Variants in PLEKHG2 observed in about 807,000 individuals in gnomAD.
PLEKHG2 encodes the protein pleckstrin homology and RhoGEF domain containing G2, also known as pleckstrin homology domain-containing family G member 2.
Under a neutral mutation model 104.4 loss-of-function variants are expected in PLEKHG2, and 71 were observed. The observed-to-expected ratio is 0.68, with a 90% CI of 0.56 to 0.83. The LOEUF is 0.83. Among genes scored for constraint, PLEKHG2 ranks in the 40% least tolerant of loss-of-function variants. PLEKHG2 has a pLI of 0.00. For synonymous variants in PLEKHG2, 728 were observed against 737.0 expected, an observed-to-expected ratio of 0.99 and a Z score of 0.20; for missense variants, 1,730 against 1,809.4, an observed-to-expected ratio of 0.96 and a Z score of 0.80.
rs773816737 is a variant in PLEKHG2 at position 39,416,390 on chromosome 19, T to A, written c.522T>A (p.Gly174=). ...EDLENSSSAG[G]IAECFVQRSE... ...TGGAGAACAGCAGCAGCGCCGGGGGTATTGCCGAGTGCTTCGTGCAGAGGG... is the reference window on the plus strand; with the variant it reads ...TGGAGAACAGCAGCAGCGCCGGGGGAATTGCCGAGTGCTTCGTGCAGAGGG... Residue 174 remains glycine (G), a synonymous_variant, in exon 5 of 19, where the codon GGT becomes GGA. Transcript: ENST00000425673. The surrounding 1 kb of genome is among the most constrained non-coding windows in gnomAD (Gnocchi z 4.5). The A allele has an allele frequency of 2.3e-5, 37 of 1,611,174 alleles. No individual in the cohort carries two copies. The highest frequency in any genetic ancestry group is 2.8e-5 in the Non-Finnish European group (33 of 1,179,374).
chr19:39,425,454 C>A lies in PLEKHG2; in HGVS notation c.*160C>A. On this transcript the variant is annotated 3_prime_UTR_variant, in exon 19 of 19. Coordinates refer to ENST00000425673, the MANE Select transcript of PLEKHG2 (RefSeq NM_022835.3). ...GGCGAATGGCCCTTCTTGCCTTGAT[C>A]CACAGGGATGGGGAAGGGAGGAATG... The A allele has an allele frequency of 8.6e-7, 1 of 1,168,940 alleles. No homozygotes were observed. The highest frequency in any genetic ancestry group is 3.4e-5 in the Admixed American group (1 of 28,998). 72.4% of individuals were successfully genotyped at this position (1,168,940 alleles called of 1,614,324 possible). A position where few individuals can be genotyped will look rare whatever the true frequency, so the allele number is the denominator to read the frequency against.
chr19:39,413,988 C>T lies in PLEKHG2; in HGVS notation c.-22-77C>T, dbSNP rs1476972040. 6.6e-5 allele frequency: 67 copies of T among 1,012,922 alleles called. No homozygotes were observed. The highest frequency in any genetic ancestry group is 8.8e-5 in the Non-Finnish European group (61 of 691,480). The allele number at this position is 1,012,922 out of a possible 1,614,324, so 62.7% of individuals were successfully genotyped here. ...CTGGATTTACACCACGCTCCTAATT[C>T]CCAGCCCCCATCTGTGAGTCTGGGC... On this transcript the variant is annotated intron_variant, in intron 1 of 18. Coordinates refer to ENST00000425673, the MANE Select transcript of PLEKHG2 (RefSeq NM_022835.3). This position sits in a 1 kb window ranked among gnomAD's most constrained non-coding sequence, Gnocchi z 4.5.
chr19:39,418,929 G>A lies in PLEKHG2; in HGVS notation c.1189G>A (p.Glu397Lys). ...HRHLLQAKNQ[E>K]EKRLWIHCLQ... Reference sequence around the variant, plus strand: ...AACCCACTCCTAGGCCAAGAACCAAGAAGAGAAGAGGCTGTGGATTCACTG... The same window carrying A: ...AACCCACTCCTAGGCCAAGAACCAAAAAGAGAAGAGGCTGTGGATTCACTG... The change falls in exon 11 of 19, where the codon GAA becomes AAA. Residue 397 changes from glutamate (E) to lysine (K), a missense_variant. Transcript: ENST00000425673. 6.2e-7 allele frequency: 1 copy of A among 1,612,442 alleles called. No homozygotes were observed. Among genetic ancestry groups the A allele is most frequent in the Non-Finnish European group, 8.5e-7 (1 of 1,179,224 alleles).
At chr19:39,419,322 T>C (rs1273408734) in intron 11 of PLEKHG2, among the ~76,000 whole-genome samples, 1 of 152,196 alleles carries the variant, frequency 6.6e-6, no homozygotes, top group African/African-American at 2.4e-5. Context: ...ATCAGCTGGC[T>C]GTGGTGGCTC....
Position 39,416,708 on chromosome 19 carries a change from G to T in PLEKHG2, c.593+111G>T, listed in dbSNP as rs1161502646. On this transcript the variant is annotated intron_variant, in intron 6 of 18. Coordinates refer to ENST00000425673, the MANE Select transcript of PLEKHG2 (RefSeq NM_022835.3). This position sits in a 1 kb window ranked among gnomAD's most constrained non-coding sequence, Gnocchi z 4.5. ...CCCATCCAGCACCGACCCCTGCCAG[G>T]CTGTGACAGTAACTGACCTCTCCCT... The T allele has an allele frequency of 4.0e-6, 6 of 1,491,164 alleles. No individual in the cohort carries two copies. The highest frequency in any genetic ancestry group is 3.5e-5 in the Admixed American group (2 of 57,494). The allele number at this position is 1,491,164 out of a possible 1,614,324, so 92.4% of individuals were successfully genotyped here. A position where few individuals can be genotyped will look rare whatever the true frequency, so the allele number is the denominator to read the frequency against.
intron 17 of PLEKHG2, 102 bp from the exon 18 acceptor site, chr19:39,422,630 C>T (rs2078717497): frequency 7.1e-7 from 1 of 1,413,198 alleles, no homozygotes; most frequent in African/African-American, 1.4e-5. Context: ...CTCAAGTGAC[C>T]CGCCCACTTC....
Position 39,416,892 on chromosome 19 carries a change from A to G in PLEKHG2, c.636A>G (p.Ala212=), listed in dbSNP as rs374648694. 1 of 1,612,546 alleles carries G rather than the reference A, an allele frequency of 6.2e-7. No homozygotes were observed. Among genetic ancestry groups the G allele is most frequent in the Admixed American group, 1.7e-5 (1 of 59,846 alleles). Reference sequence around the variant, plus strand: ...GGGAGCTGTCGTTGTCTCCGCCAGCAGCCCTGTGGCTGCAGGAGCGCCAGG... The same window carrying G: ...GGGAGCTGTCGTTGTCTCCGCCAGCGGCCCTGTGGCTGCAGGAGCGCCAGG... The part of the protein sequence containing the change: ...LLRELSLSPP[A]ALWLQERQAQ... The change falls in exon 7 of 19, where the codon GCA becomes GCG. Residue 212 remains alanine (A), a synonymous_variant. Transcript: ENST00000425673. The surrounding 1 kb of genome is among the most constrained non-coding windows in gnomAD (Gnocchi z 4.5).
Position 39,420,961 on chromosome 19 carries a change from G to T in PLEKHG2, c.1412G>T (p.Gly471Val). ...CTCCCTCCCACAGCTCCATCTCCTG[G>T]GCCCTCTGTGATTCGCCGAGGCCGC... ...PGRRNTAPSP[G>V]PSVIRRGRRQ... The change falls in exon 14 of 19, where the codon GGG becomes GTG. Residue 471 changes from glycine (G) to valine (V), a missense_variant. Gly to Val is a moderately radical substitution (Grantham distance 109). Transcript: ENST00000425673. 6.2e-7 allele frequency: 1 copy of T among 1,614,020 alleles called. No homozygotes were observed. The highest frequency in any genetic ancestry group is 8.5e-7 in the Non-Finnish European group (1 of 1,180,012).
intron 2 of PLEKHG2, 45 bp from the exon 3 acceptor site, chr19:39,414,947 G>A (rs758142249): frequency 5.2e-6 from 8 of 1,530,920 alleles, no homozygotes; most frequent in East Asian, 2.3e-5. Context: ...GTGGAAGTCC[G>A]TGCATGGGGA....
rs765630030 is a variant in PLEKHG2, at chr19:39,422,238, A to G, written c.1627A>G (p.Thr543Ala). ...PTLDPSGTSI[T>A]EEILELLNQR... ...ACTGGACCCCTCTGGGACCTCAATC[A>G]CTGAAGAAATCCTGGAACTGCTGAA... Residue 543 changes from threonine to alanine, a missense_variant, in exon 17 of 19, where the codon ACT (threonine) becomes GCT (alanine). Thr to Ala is a moderately conservative substitution (Grantham distance 58, BLOSUM62 0). Coordinates refer to ENST00000425673, the MANE Select transcript of PLEKHG2 (RefSeq NM_022835.3). The G allele has an allele frequency of 2.5e-6, 4 of 1,613,824 alleles. No homozygotes were observed. Among genetic ancestry groups the G allele is most frequent in the Non-Finnish European group, 3.4e-6 (4 of 1,179,882 alleles).
rs76128311 is a variant in PLEKHG2, at chr19:39,427,187, G to A, written c.*1893G>A. On this transcript the variant is annotated 3_prime_UTR_variant, in exon 19 of 19. Transcript: ENST00000425673. ...ACCACAGGTGCCCGCCACCACGCCC[G>A]GCTAATTTTTTTGGTATTTTTAGTA... The A allele has an allele frequency of 0.14, 21,121 of 151,886 alleles. 1,758 individuals are homozygous for A. The highest frequency in any genetic ancestry group is 0.26 in the Middle Eastern group (78 of 296). The allele number at this position is 151,886 out of a possible 1,614,324, so 9.4% of individuals were successfully genotyped here.
Position 39,420,657 on chromosome 19 carries a change from A to C in PLEKHG2, c.1295A>C (p.His432Pro), listed in dbSNP as rs760117758. ...CAAGTTCTCCTTGAAAACAGCCTGCATTGTGAGTTGGGGCCTTGGGCTGGG... is the reference window on the plus strand; with the variant it reads ...CAAGTTCTCCTTGAAAACAGCCTGCCTTGTGAGTTGGGGCCTTGGGCTGGG... ...AKQVLLENSL[H>P]CAPKSKPVLE... is the part of the protein sequence containing the mutation. The change falls in exon 12 of 19, where the codon CAT becomes CCT. Residue 432 changes from histidine to proline, a missense_variant and splice_region_variant. Transcript: ENST00000425673. 1 of 1,614,128 alleles carries C rather than the reference A, an allele frequency of 6.2e-7. No individual in the cohort carries two copies. The highest frequency in any genetic ancestry group is 1.7e-5 in the Admixed American group (1 of 60,020).
rs112642391 is a variant in PLEKHG2 at position 39,414,755 on chromosome 19, A to G, written c.110-237A>G. 6.3e-3 allele frequency among the ~76,000 whole-genome samples: 955 copies of G among 152,290 alleles called. 14 individuals are homozygous for G. Among genetic ancestry groups the G allele is most frequent in the African/African-American group, 0.022 (916 of 41,546 alleles). Reference sequence around the variant, plus strand: ...TACAGTCAGATAGACAAATTAATAAATGTCTACCTAGCTGATTCATGGAGG... The same window carrying G: ...TACAGTCAGATAGACAAATTAATAAGTGTCTACCTAGCTGATTCATGGAGG... On this transcript the variant is annotated intron_variant, in intron 2 of 18. Coordinates refer to ENST00000425673, the MANE Select transcript of PLEKHG2 (RefSeq NM_022835.3).
In PLEKHG2 at chr19:39,418,017, G is replaced by A. The variant is rs117405645; in HGVS notation, c.995G>A (p.Gly332Glu). ...GGGGGGPRLR[G>E]GERLLFLFSR... ...GGAGGGGGTGGCCCCCGGCTACGAG[G>A]GGGTGAGCGGCTGCTCTTCCTGTTC... The change falls in exon 9 of 19, where the codon GGG becomes GAG. Residue 332 changes from glycine (G) to glutamate (E), a missense_variant. Coordinates refer to ENST00000425673, the MANE Select transcript of PLEKHG2 (RefSeq NM_022835.3). 1.9e-6 allele frequency: 3 copies of A among 1,562,362 alleles called. No homozygotes were observed. Among genetic ancestry groups the A allele is most frequent in the African/African-American group, 1.4e-5 (1 of 73,662 alleles).
rs2078565042 is a variant in PLEKHG2, at chr19:39,414,208, G to C, written c.109+13G>C. ...GAGACTCGGACAGGTGAGCCTAGAGGCAGGGGCGGCGGAGCCTGTGGGGCT... is the reference window on the plus strand; with the variant it reads ...GAGACTCGGACAGGTGAGCCTAGAGCCAGGGGCGGCGGAGCCTGTGGGGCT... On this transcript the variant is annotated intron_variant, in intron 2 of 18. Transcript: ENST00000425673. 2.6e-6 allele frequency: 4 copies of C among 1,550,382 alleles called. No homozygotes were observed. The highest frequency in any genetic ancestry group is 3.5e-6 in the Non-Finnish European group (4 of 1,146,126).
chr19:39,425,053 C>T lies in PLEKHG2; in HGVS notation c.3920C>T (p.Ser1307Phe). The change falls in exon 19 of 19, where the codon TCC becomes TTC. Residue 1307 changes from serine (S) to phenylalanine (F), a missense_variant. Physicochemically the swap from Ser to Phe is radical, Grantham distance 155. Coordinates refer to ENST00000425673, the MANE Select transcript of PLEKHG2 (RefSeq NM_022835.3). ...GGGGCCCCCGCAGCCTCCCGGGGCT[C>T]CTGGTCCTCTGCTCCCACGTCACGG... The part of the protein sequence containing the change: ...GGGAPAASRG[S>F]WSSAPTSRAS... 1.9e-6 allele frequency: 3 copies of T among 1,599,250 alleles called. No individual in the cohort carries two copies. The highest frequency in any genetic ancestry group is 1.1e-5 in the South Asian group (1 of 89,664).
rs2078773700 is a variant in PLEKHG2, at chr19:39,425,657, A to G, written c.*363A>G. ...AGAATTATTGGAAAATGGACCCACT[A>G]TAACTTGGCGTGTGTGTGAACTGCT... On this transcript the variant is annotated 3_prime_UTR_variant, in exon 19 of 19. Coordinates refer to ENST00000425673, the MANE Select transcript of PLEKHG2 (RefSeq NM_022835.3). The G allele has an allele frequency of 2.6e-6, 1 of 377,712 alleles. No individual in the cohort carries two copies. Among genetic ancestry groups the G allele is most frequent in the Non-Finnish European group, 4.7e-6 (1 of 213,684 alleles). The allele number at this position is 377,712 out of a possible 1,614,324, so 23.4% of individuals were successfully genotyped here.
intron 15 of PLEKHG2, 57 bp from the exon 16 acceptor site, chr19:39,421,226 C>T (rs889165203): frequency 1.9e-6 from 3 of 1,612,530 alleles, no homozygotes; most frequent in African/African-American, 2.7e-5. Flanking sequence ...GGGGGAATCA[C>T]TCTTTTTCCC....
intron 8 of PLEKHG2, 45 bp from the exon 9 acceptor site, chr19:39,417,860 C>T: frequency 6.6e-7 from 1 of 1,514,186 alleles, no homozygotes; most frequent in South Asian, 1.3e-5. Context: ...GCCACCTACC[C>T]ATGCTTGTCT....
Sources: gnomAD v4.1 joint callset for allele counts (sites outside exome capture counted in the v4.1 genomes callset) on GRCh38, gnomAD v4.1.1 for gene constraint, Gnocchi (gnomAD v3.1) non-coding constraint, MANE v1.5 for transcripts, NCBI Gene and HGNC (gene_info 2026-07-23, HGNC 2026-07-21) for gene names.